PIWIL2: variants seen among roughly 807,000 people sequenced by gnomAD.
PIWIL2 encodes the protein piwi-like protein 2.
In PIWIL2, 81 loss-of-function variants were observed where a neutral mutation model predicts 116.5. That is an observed-to-expected ratio of 0.70 (90% CI 0.58 to 0.84). The LOEUF (loss-of-function observed/expected upper bound fraction) is 0.84, where lower values mean the gene tolerates loss of function less well. Among genes scored for constraint, PIWIL2 ranks in the 40% least tolerant of loss-of-function variants. The pLI is 0.00. For missense variants in PIWIL2, 1,272 were observed against 1,212.3 expected, an observed-to-expected ratio of 1.05 and a Z score of -0.73; for synonymous variants, 489 against 429.5, an observed-to-expected ratio of 1.14 and a Z score of -1.71.
intron 15 of PIWIL2, 45 bp downstream of exon 15, chr8:22,310,119 A>C: frequency 1.0e-6 from 1 of 1,003,998 alleles, no homozygotes; most frequent in Non-Finnish European, 1.6e-6. Flanking sequence ...GTATTCCCCA[A>C]AGTGTGGGAA....
At chr8:22,333,265 A>T (rs1831903023) in intron 20 of PIWIL2, among the ~76,000 whole-genome samples, 1 of 152,170 alleles carries the variant, frequency 6.6e-6, no homozygotes, top group Non-Finnish European at 1.5e-5. Flanking sequence ...GCAATACCTA[A>T]GTCTTGAAAA....
intron 16 of PIWIL2, 141 bp downstream of exon 16, chr8:22,311,441 T>G: frequency 1.5e-6 from 1 of 662,294 alleles, no homozygotes; most frequent in Non-Finnish European, 2.5e-6. Context: ...AAATACTGAT[T>G]GAAAAGTGTT....
chr8:22,302,465 T>C lies in PIWIL2; in HGVS notation c.1182-1556T>C, dbSNP rs150273103. ...AAGTGCTGGGATTACAGGTGTGAGC[T>C]ACTGCGCCCAGCCTATTTTTCTGAT... On this transcript the variant is annotated intron_variant, in intron 10 of 22. Transcript: ENST00000356766. Among the ~76,000 whole-genome samples the C allele has an allele frequency of 6.2e-3, 943 of 152,276 alleles. 7 individuals are homozygous for C. Among genetic ancestry groups the C allele is most frequent in the African/African-American group, 0.021 (880 of 41,578 alleles).
chr8:22,351,440 C>CATATATATATATATATATATATATAT (rs71544885), intron 20 of PIWIL2, among the ~76,000 whole-genome samples: 4 of 52,946 alleles, frequency 7.6e-5, no homozygotes, highest in South Asian at 1.3e-3. Flanking sequence ...TGCATACATA[C>CATATATATATATATATATATATATAT]ATATATATAT....
intron 8 of PIWIL2, 49 bp from the exon 9 acceptor site, chr8:22,289,798 A>T: frequency 8.9e-7 from 1 of 1,118,446 alleles, no homozygotes; most frequent in Non-Finnish European, 1.4e-6. Context: ...AATGGAACAT[A>T]ATTTTATTAC....
At chr8:22,286,559 G>A (rs999647107) in intron 6 of PIWIL2, among the ~76,000 whole-genome samples, 11 of 152,190 alleles carry the variant, frequency 7.2e-5, no homozygotes, top group African/African-American at 2.4e-4. Flanking sequence ...GGGAGGCCGA[G>A]GAGGGAGAGT....
At chr8:22,276,610 G>A (rs1175418116) in intron 1 of PIWIL2, among the ~76,000 whole-genome samples, 1 of 152,124 alleles carries the variant, frequency 6.6e-6, no homozygotes, top group African/African-American at 2.4e-5. Context: ...CACCACCCCC[G>A]GCCAAGACAG....
chr8:22,343,350 A>C (rs1832152482), intron 20 of PIWIL2, among the ~76,000 whole-genome samples: 1 of 151,932 alleles, frequency 6.6e-6, no homozygotes, highest in Admixed American at 6.6e-5. Flanking sequence ...CAGGAGAATC[A>C]TTTGAACTTG....
At chr8:22,329,711 T>G (rs1831814426) in intron 20 of PIWIL2, among the ~76,000 whole-genome samples, 1 of 152,218 alleles carries the variant, frequency 6.6e-6, no homozygotes, top group African/African-American at 2.4e-5. Context: ...ATATAGAAAC[T>G]TTGTTCCTGT....
At chr8:22,331,967 A>G (rs868206790) in intron 20 of PIWIL2, among the ~76,000 whole-genome samples, 1 of 152,112 alleles carries the variant, frequency 6.6e-6, no homozygotes, top group African/African-American at 2.4e-5. Flanking sequence ...TCCCCTAACA[A>G]TGGATAACAG....
Position 22,287,427 on chromosome 8 carries a change from A to G in PIWIL2, c.744-101A>G, listed in dbSNP as rs1387927832. On this transcript the variant is annotated intron_variant, in intron 6 of 22. Coordinates refer to ENST00000356766, the MANE Select transcript of PIWIL2 (RefSeq NM_018068.5). ...AGATAATTTTTAATATGCCCGCTAG[A>G]TGGAGCAGCAGTTACTGGGTAACTA... The G allele has an allele frequency of 5.1e-6, 4 of 786,042 alleles. No individual in the cohort carries two copies. In the East Asian group the frequency reaches 9.9e-5, roughly 19 times the overall value. 48.7% of individuals were successfully genotyped at this position (786,042 alleles called of 1,614,324 possible). A position where few individuals can be genotyped will look rare whatever the true frequency, so the allele number is the denominator to read the frequency against.
intron 20 of PIWIL2, among the ~76,000 whole-genome samples, chr8:22,339,091 T>C (rs1472260157): frequency 1.3e-5 from 2 of 152,150 alleles, no homozygotes; most frequent in Non-Finnish European, 2.9e-5. Context: ...AGAGTAATGT[T>C]TTCAAGAAAT....
At chr8:22,339,818 C>G (rs11986996) in intron 20 of PIWIL2, among the ~76,000 whole-genome samples, 6,470 of 152,148 alleles carry the variant, frequency 0.043, 446 homozygotes, top group African/African-American at 0.15. Context: ...AACATTTTGA[C>G]TAGACATTTC....
chr8:22,298,976 A>T (rs376688804), intron 10 of PIWIL2, among the ~76,000 whole-genome samples: 4 of 152,176 alleles, frequency 2.6e-5, no homozygotes, highest in East Asian at 3.9e-4. Context: ...GAATAAATTG[A>T]TGTAGATTGA....
At chr8:22,339,376 C>T (rs7012123) in intron 20 of PIWIL2, among the ~76,000 whole-genome samples, 61,541 of 151,618 alleles carry the variant, frequency 0.41, 15,255 homozygotes, top group East Asian at 0.81. Context: ...GGCGTGGTGG[C>T]CCGCGCCTGT....
At chr8:22,352,917 C>T (rs759454796) in intron 20 of PIWIL2, 42 bp from the exon 21 acceptor site, 2 of 1,581,888 alleles carry the variant, frequency 1.3e-6, no homozygotes. Context: ...GGTCCGTAGC[C>T]TGAGGGCTCT....
intron 20 of PIWIL2, among the ~76,000 whole-genome samples, chr8:22,339,151 C>G (rs1328701836): frequency 6.6e-6 from 1 of 152,182 alleles, no homozygotes; most frequent in Non-Finnish European, 1.5e-5. Context: ...CATTGAAGCT[C>G]TTCTTTACAC....
chr8:22,283,933 T>C (rs1830572493), intron 5 of PIWIL2, among the ~76,000 whole-genome samples: 1 of 152,200 alleles, frequency 6.6e-6, no homozygotes, highest in South Asian at 2.1e-4. Flanking sequence ...GTAATGTTAC[T>C]AGGAAAGGTA....
intron 10 of PIWIL2, among the ~76,000 whole-genome samples, chr8:22,296,849 G>A (rs752276441): frequency 1.4e-4 from 22 of 152,126 alleles, no homozygotes; most frequent in Admixed American, 3.3e-4. Flanking sequence ...GTCCTTTAGT[G>A]TGGACTCTGC....
Sources: allele counts gnomAD v4.1 joint callset (sites outside exome capture counted in the v4.1 genomes callset), GRCh38; gene constraint gnomAD v4.1.1; transcripts MANE v1.5; gene names NCBI Gene and HGNC (gene_info 2026-07-23, HGNC 2026-07-21).